Variants in ABCB10 observed in about 807,000 individuals in gnomAD.
ABCB10 encodes the protein ATP binding cassette subfamily B member 10.
In ABCB10, 54 loss-of-function variants were observed where a neutral mutation model predicts 65.4. That is an observed-to-expected ratio of 0.83 (90% CI 0.66 to 1.04). The LOEUF is 1.04. ABCB10 is among the 50% of genes least tolerant of loss of function. The pLI is 0.00. For synonymous variants in ABCB10, 418 were observed against 406.5 expected (o/e 1.03, Z -0.34); for missense variants, 846 against 976.6 (o/e 0.87, Z 1.78).
At chr1:229,547,773 T>G in intron 2 of ABCB10, 72 bp from the exon 3 acceptor site, 3 of 1,483,938 alleles carry the variant, frequency 2.0e-6, no homozygotes, top group Non-Finnish European at 2.8e-6. Context: ...AGCCACTTAC[T>G]GTGCAGCAGC....
intron 3 of ABCB10, among the ~76,000 whole-genome samples, chr1:229,543,471 C>T (rs1478974231): frequency 6.6e-6 from 1 of 152,106 alleles, no homozygotes; most frequent in Non-Finnish European, 1.5e-5. Context: ...CTAAATAATA[C>T]TAAGGAAAAA....
chr1:229,523,788 G>T (rs985528228), intron 10 of ABCB10, among the ~76,000 whole-genome samples: 5 of 152,166 alleles, frequency 3.3e-5, no homozygotes, highest in Non-Finnish European at 5.9e-5. Context: ...CAAGGGAGGT[G>T]ACGTGCTCTT....
chr1:229,547,954 C>CA (rs532212699), intron 2 of ABCB10, among the ~76,000 whole-genome samples: 2 of 151,794 alleles, frequency 1.3e-5, no homozygotes, highest in Non-Finnish European at 2.9e-5. Context: ...TGAGAGGATA[C>CA]AGGAATAAAA....
At chr1:229,526,939 A>G (rs550997156) in intron 9 of ABCB10, among the ~76,000 whole-genome samples, 1 of 152,228 alleles carries the variant, frequency 6.6e-6, no homozygotes, top group South Asian at 2.1e-4. Flanking sequence ...GCTAAAAAAG[A>G]GTCAATAAAA....
At position 229,530,246 on chromosome 1, in the gene ABCB10, T is replaced by C. The variant is rs773792006; in HGVS notation, c.1598A>G (p.Lys533Arg). The C allele has an allele frequency of 6.2e-7, 1 of 1,614,088 alleles. No individual in the cohort carries two copies. The highest frequency in any genetic ancestry group is 1.1e-5 in the South Asian group (1 of 91,084). ...CAGCAGGAGTGAAAGCACTGTTGATTTGCCAGAACCACTTGGGCCAACCAG... is the reference window on the plus strand; with the variant it reads ...CAGCAGGAGTGAAAGCACTGTTGATCTGCCAGAACCACTTGGGCCAACCAG... ...TALVGPSGSG[K>R]STVLSLLLRL... Residue 533 changes from lysine to arginine, a missense_variant, in exon 8 of 13, where the codon AAA (lysine) becomes AGA (arginine). Physicochemically the swap from Lys to Arg is conservative, Grantham distance 26. Around this residue, in one of 2 missense-constraint regions of ABCB10, gnomAD observed 632 missense variants for 803.2 expected, o/e 0.79. Coordinates refer to ENST00000344517, the MANE Select transcript of ABCB10 (RefSeq NM_012089.3).
chr1:229,539,303 T>C (rs1662787840), intron 6 of ABCB10, among the ~76,000 whole-genome samples, 153 bp downstream of exon 6: 1 of 152,260 alleles, frequency 6.6e-6, no homozygotes, highest in Non-Finnish European at 1.5e-5. Flanking sequence ...ACACTCATTT[T>C]ACTTCTTTAA....
At chr1:229,527,368 C>A in intron 8 of ABCB10, 60 bp from the exon 9 acceptor site, 1 of 1,448,678 alleles carries the variant, frequency 6.9e-7, no homozygotes, top group Non-Finnish European at 9.6e-7. Context: ...ATGACCAACA[C>A]AGAAAGGATC....
intron 5 of ABCB10, 70 bp downstream of exon 5, chr1:229,540,536 G>A: frequency 7.0e-7 from 1 of 1,431,006 alleles, no homozygotes; most frequent in Non-Finnish European, 9.4e-7. Flanking sequence ...CTTATGCTGA[G>A]CACCACAGAA....
At position 229,542,340 on chromosome 1, in the gene ABCB10, A is replaced by G; in HGVS notation, c.953T>C (p.Val318Ala). Reference sequence around the variant, plus strand: ...TGACACTGGAGGCACCACGCTCAAAACAAAGGTGGCCAGATTAGGTGAGAC... The same window carrying G: ...TGACACTGGAGGCACCACGCTCAAAGCAAAGGTGGCCAGATTAGGTGAGAC... ...FFVSPNLATF[V>A]LSVVPPVSII... is the part of the protein sequence containing the mutation. The change falls in exon 4 of 13, where the codon GTT becomes GCT. Residue 318 changes from valine to alanine, a missense_variant. Val to Ala is a moderately conservative substitution (Grantham distance 64, BLOSUM62 0). Coordinates refer to ENST00000344517, the MANE Select transcript of ABCB10 (RefSeq NM_012089.3). 6.2e-7 allele frequency: 1 copy of G among 1,614,058 alleles called. No individual in the cohort carries two copies. Among genetic ancestry groups the G allele is most frequent in the South Asian group, 1.1e-5 (1 of 91,072 alleles).
At chr1:229,547,380 G>T in intron 3 of ABCB10, 119 bp downstream of exon 3, 1 of 1,138,378 alleles carries the variant, frequency 8.8e-7, no homozygotes, top group Non-Finnish European at 1.2e-6. Flanking sequence ...CAGCACTTTT[G>T]GCTCTAGGCA....
chr1:229,535,396 C>T (rs541085461), intron 6 of ABCB10, among the ~76,000 whole-genome samples: 1 of 152,128 alleles, frequency 6.6e-6, no homozygotes, highest in East Asian at 1.9e-4. Context: ...TTATTCAGTG[C>T]TAAAAATAAA....
Position 229,542,283 on chromosome 1 carries a change from C to G in ABCB10, c.1010G>C (p.Arg337Pro), listed in dbSNP as rs138708587. Reference protein sequence around the residue: ...IIAVIYGRYLRKLTKVTQDSL... With the variant: ...IIAVIYGRYLPKLTKVTQDSL... Reference sequence around the variant, plus strand: ...ATCCTGAGTGACTTTGGTCAGTTTCCGTAGATATCGCCCATAAATTACAGC... The same window carrying G: ...ATCCTGAGTGACTTTGGTCAGTTTCGGTAGATATCGCCCATAAATTACAGC... Residue 337 changes from arginine (R) to proline (P), a missense_variant, in exon 4 of 13, where the codon CGG becomes CCG. Coordinates refer to ENST00000344517, the MANE Select transcript of ABCB10 (RefSeq NM_012089.3). The G allele has an allele frequency of 6.2e-7, 1 of 1,613,844 alleles. No homozygotes were observed.
chr1:229,532,150 G>A (rs941176547), intron 6 of ABCB10, among the ~76,000 whole-genome samples: 2 of 151,724 alleles, frequency 1.3e-5, no homozygotes, highest in African/African-American at 2.4e-5. Context: ...ATGGGGTTTC[G>A]CATGTTGGCA....
At chr1:229,550,703 A>T (rs1190783179) in intron 1 of ABCB10, among the ~76,000 whole-genome samples, 9 of 151,118 alleles carry the variant, frequency 6.0e-5, no homozygotes, top group Admixed American at 5.3e-4. Flanking sequence ...AAAAAAAAAA[A>T]AATACAAAAA....
At chr1:229,539,257 A>G (rs1022905264) in intron 6 of ABCB10, among the ~76,000 whole-genome samples, 199 bp downstream of exon 6, 11 of 152,166 alleles carry the variant, frequency 7.2e-5, no homozygotes, top group African/African-American at 2.2e-4. Context: ...AAACTTCCCA[A>G]CCAAGGAGCT....
At chr1:229,529,894 C>G (rs1338311531) in intron 8 of ABCB10, among the ~76,000 whole-genome samples, 1 of 152,020 alleles carries the variant, frequency 6.6e-6, no homozygotes, top group East Asian at 1.9e-4. Flanking sequence ...TCCACCTGCT[C>G]CCAGTAGAGG....
chr1:229,552,748 T>C (rs1180493361), intron 1 of ABCB10, among the ~76,000 whole-genome samples: 1 of 152,220 alleles, frequency 6.6e-6, no homozygotes, highest in African/African-American at 2.4e-5. Context: ...CTGAAGGATC[T>C]GGCATCCATC....
At chr1:229,546,957 T>G (rs147579831) in intron 3 of ABCB10, among the ~76,000 whole-genome samples, 35 of 152,250 alleles carry the variant, frequency 2.3e-4, no homozygotes, top group Non-Finnish European at 3.7e-4. Context: ...TACTAAAACA[T>G]TAAAATCACA....
chr1:229,538,665 A>G (rs1281848145), intron 6 of ABCB10, among the ~76,000 whole-genome samples: 1 of 152,180 alleles, frequency 6.6e-6, no homozygotes, highest in East Asian at 1.9e-4. Flanking sequence ...TTCCAGAAAA[A>G]AATCCTCACT....
Sources: allele counts gnomAD v4.1 joint callset (sites outside exome capture counted in the v4.1 genomes callset), GRCh38; gene constraint gnomAD v4.1.1; regional missense constraint gnomAD v4.1.1; transcripts MANE v1.5; gene names NCBI Gene and HGNC (gene_info 2026-07-23, HGNC 2026-07-21).